Variants in GRM7 observed in about 807,000 individuals in gnomAD.
GRM7 encodes the protein metabotropic glutamate receptor 7.
Under a neutral mutation model 84.5 loss-of-function variants are expected in GRM7, and 35 were observed. That is an observed-to-expected ratio of 0.41 (90% CI 0.32 to 0.55). The LOEUF is 0.55. Ranked by LOEUF, GRM7 falls within the 20% of genes least tolerant of loss-of-function variation. The probability of loss-of-function intolerance (pLI) is 0.19; values close to 1 mark genes in which losing one functional copy is unlikely to be tolerated. For synonymous variants in GRM7, 487 were observed against 455.1 expected, an observed-to-expected ratio of 1.07 and a Z score of -0.89; for missense variants, 1,003 against 1,194.6, an observed-to-expected ratio of 0.84 and a Z score of 2.36.
chr3:7,379,081 A>G (rs922193932), intron 4 of GRM7, among the ~76,000 whole-genome samples: 38 of 152,182 alleles, frequency 2.5e-4, no homozygotes, highest in African/African-American at 8.9e-4. Context: ...TTTTATTTTT[A>G]CTTTTTTTGA....
At chr3:7,716,454 G>T (rs573762997) in intron 9 of GRM7, among the ~76,000 whole-genome samples, 26 of 152,306 alleles carry the variant, frequency 1.7e-4, no homozygotes, top group African/African-American at 5.5e-4. Context: ...CAGCAAAAGT[G>T]ATACCAATAT....
intron 8 of GRM7, among the ~76,000 whole-genome samples, chr3:7,624,827 G>C (rs1006249176): frequency 2.0e-5 from 3 of 152,108 alleles, no homozygotes; most frequent in African/African-American, 7.2e-5. Context: ...GACGTTACCT[G>C]GTTGGAAACA....
At chr3:7,167,651 C>T (rs1344677290) in intron 2 of GRM7, among the ~76,000 whole-genome samples, 1 of 151,998 alleles carries the variant, frequency 6.6e-6, no homozygotes, top group Non-Finnish European at 1.5e-5. Flanking sequence ...TCCAATGACT[C>T]CAAAAGTCAG....
At chr3:7,697,321 T>C (rs1701058098) in intron 9 of GRM7, among the ~76,000 whole-genome samples, 1 of 151,954 alleles carries the variant, frequency 6.6e-6, no homozygotes, top group South Asian at 2.1e-4. Flanking sequence ...ATTCAGCATC[T>C]TTTTTTTATC....
intron 8 of GRM7, among the ~76,000 whole-genome samples, chr3:7,591,768 C>T (rs77377244): frequency 0.013 from 1,970 of 152,150 alleles, 46 homozygotes; most frequent in East Asian, 0.094. Flanking sequence ...TTCTTTGAAA[C>T]GCCACAGCAA....
At chr3:7,282,216 C>T (rs867830733) in intron 2 of GRM7, among the ~76,000 whole-genome samples, 4 of 152,234 alleles carry the variant, frequency 2.6e-5, no homozygotes, top group Non-Finnish European at 5.9e-5. Flanking sequence ...GATTCACTTA[C>T]AATCAATGGC....
At chr3:6,990,425 G>A (rs931150198) in intron 1 of GRM7, among the ~76,000 whole-genome samples, 17 of 152,110 alleles carry the variant, frequency 1.1e-4, no homozygotes, top group African/African-American at 3.6e-4. Context: ...TGGGTGTTAG[G>A]AATCACATAT....
At chr3:7,331,047 A>G (rs1432933900) in intron 4 of GRM7, among the ~76,000 whole-genome samples, 1 of 152,182 alleles carries the variant, frequency 6.6e-6, no homozygotes, top group Non-Finnish European at 1.5e-5. Flanking sequence ...TACAACACTT[A>G]TGAATATCTG....
chr3:7,458,163 A>G (rs773615489), intron 6 of GRM7, among the ~76,000 whole-genome samples: 2 of 152,214 alleles, frequency 1.3e-5, no homozygotes, highest in Non-Finnish European at 2.9e-5. Context: ...CCAAGAAGAA[A>G]GAAACTCAGA....
intron 1 of GRM7, among the ~76,000 whole-genome samples, chr3:6,915,725 A>G: frequency 6.6e-6 from 1 of 152,208 alleles, no homozygotes; most frequent in East Asian, 1.9e-4. Flanking sequence ...AATTCATGGA[A>G]ATGAATGTGA....
chr3:6,862,977 C>G lies in GRM7; in HGVS notation c.519+1070C>G. Reference sequence around the variant, plus strand: ...TCGCCTCCTGCTCCAGCAGCCTCTGCCCCATGGCTCCTGAGCTGCACTGGG... The same window carrying G: ...TCGCCTCCTGCTCCAGCAGCCTCTGGCCCATGGCTCCTGAGCTGCACTGGG... On this transcript the variant is annotated intron_variant, in intron 1 of 9. Coordinates refer to ENST00000357716, the MANE Select transcript of GRM7 (RefSeq NM_000844.4). The surrounding 1 kb of genome is among the most constrained non-coding windows in gnomAD (Gnocchi z 5.2). The G allele has an allele frequency of 2.2e-6, 1 of 456,448 alleles. No homozygotes were observed. The highest frequency in any genetic ancestry group is 1.6e-5 in the South Asian group (1 of 64,502). The allele number at this position is 456,448 out of a possible 1,614,324, so 28.3% of individuals were successfully genotyped here.
chr3:7,540,978 A>G (rs1692847509), intron 7 of GRM7, among the ~76,000 whole-genome samples: 1 of 152,206 alleles, frequency 6.6e-6, no homozygotes, highest in African/African-American at 2.4e-5. Context: ...AGATTATTCA[A>G]TATGTTAATA....
At chr3:7,015,429 A>G (rs1190596157) in intron 1 of GRM7, among the ~76,000 whole-genome samples, 1 of 152,238 alleles carries the variant, frequency 6.6e-6, no homozygotes, top group East Asian at 1.9e-4. Flanking sequence ...AATGCATGCT[A>G]TGACAGATGC....
intron 8 of GRM7, among the ~76,000 whole-genome samples, chr3:7,598,843 T>C (rs767785977): frequency 2.0e-5 from 3 of 152,180 alleles, no homozygotes; most frequent in Non-Finnish European, 4.4e-5. Context: ...GGATTAAAAA[T>C]GGACCATTGA....
At chr3:6,911,679 T>C (rs1370184923) in intron 1 of GRM7, among the ~76,000 whole-genome samples, 1 of 152,204 alleles carries the variant, frequency 6.6e-6, no homozygotes, top group Non-Finnish European at 1.5e-5. Context: ...AAGGGATTTT[T>C]CATGGCTAAT....
chr3:6,996,088 A>G (rs2021524), intron 1 of GRM7, among the ~76,000 whole-genome samples: 149,523 of 152,170 alleles, frequency 0.98, 73,471 homozygotes, highest in Middle Eastern at 1. Context: ...TTGCTCTGTC[A>G]CCCAGGCTGG....
intron 8 of GRM7, among the ~76,000 whole-genome samples, chr3:7,645,344 T>C (rs138161649): frequency 4.6e-5 from 7 of 151,618 alleles, no homozygotes; most frequent in East Asian, 1.9e-4. Flanking sequence ...GTCAGGAGAT[T>C]GAGACCATCC....
chr3:7,102,585 G>A (rs1035224533), intron 1 of GRM7, among the ~76,000 whole-genome samples: 11 of 151,698 alleles, frequency 7.3e-5, no homozygotes, highest in Admixed American at 1.3e-4. Flanking sequence ...TGTACAAGTC[G>A]AGGTATTGTC....
intron 2 of GRM7, among the ~76,000 whole-genome samples, chr3:7,229,153 G>T (rs1697079145): frequency 6.6e-6 from 1 of 151,942 alleles, no homozygotes; most frequent in African/African-American, 2.4e-5. Flanking sequence ...TAATTGAGGG[G>T]TGGGGTGGAG....
Sources: gnomAD v4.1 joint callset for allele counts (sites outside exome capture counted in the v4.1 genomes callset) on GRCh38, gnomAD v4.1.1 for gene constraint, Gnocchi (gnomAD v3.1) non-coding constraint, MANE v1.5 for transcripts, NCBI Gene and HGNC (gene_info 2026-07-23, HGNC 2026-07-21) for gene names.